The following GHR variants were observed in gnomAD, a reference collection of about 807,000 sequenced individuals.
GHR encodes GH receptor.
Under a neutral mutation model 67.1 loss-of-function variants are expected in GHR, and 35 were observed. That is an observed-to-expected ratio of 0.52 (90% confidence interval 0.40 to 0.69). GHR has a LOEUF of 0.69. Ranked by LOEUF, GHR falls within the 30% of genes least tolerant of loss-of-function variation. The pLI is 0.00. For synonymous variants in GHR, 272 were observed against 269.1 expected, an observed-to-expected ratio of 1.01 and a Z score of -0.10; for missense variants, 792 against 764.6, an observed-to-expected ratio of 1.04 and a Z score of -0.42.
At chr5:42,631,274 A>G (rs930825339) in intron 3 of GHR, among the ~76,000 whole-genome samples, 4 of 152,164 alleles carry the variant, frequency 2.6e-5, no homozygotes, top group Non-Finnish European at 5.9e-5. Flanking sequence ...CTAGCTAATT[A>G]TCATTCATAT....
In GHR at chr5:42,719,624, T is replaced by C. The variant is rs1212692779; in HGVS notation, c.*200T>C. 5.0e-6 allele frequency: 3 copies of C among 596,986 alleles called. No individual in the cohort carries two copies. Among genetic ancestry groups the C allele is most frequent in the Non-Finnish European group, 6.0e-6 (2 of 332,426 alleles). The allele number at this position is 596,986 out of a possible 1,614,324, so 37.0% of individuals were successfully genotyped here. On this transcript the variant is annotated 3_prime_UTR_variant, in exon 10 of 10. Coordinates refer to ENST00000230882, the MANE Select transcript of GHR (RefSeq NM_000163.5). ...ATGCTTAATCAGATAGATATTCCTA[T>C]TGTGCAATGTAAATATTTTAAAGAA...
At chr5:42,486,862 A>AG (rs1745908949) in intron 1 of GHR, among the ~76,000 whole-genome samples, 1 of 152,044 alleles carries the variant, frequency 6.6e-6, no homozygotes. Context: ...AAAAAAAAAA[A>AG]AGAAACCAAA....
At chr5:42,621,160 G>A (rs1753425084) in intron 2 of GHR, among the ~76,000 whole-genome samples, 2 of 152,024 alleles carry the variant, frequency 1.3e-5, no homozygotes, top group African/African-American at 4.8e-5. Context: ...TGGCTAGCTG[G>A]GCAGGATGTT....
intron 1 of GHR, among the ~76,000 whole-genome samples, chr5:42,436,350 T>G (rs1267507228): frequency 1.3e-5 from 2 of 152,230 alleles, no homozygotes; most frequent in Non-Finnish European, 2.9e-5. Context: ...CTATTCTTGG[T>G]GTCCTTTTTC....
chr5:42,564,536 C>A (rs1197339606), intron 1 of GHR, among the ~76,000 whole-genome samples: 3 of 152,092 alleles, frequency 2.0e-5, no homozygotes, highest in African/African-American at 7.2e-5. Context: ...TACAAGAAGA[C>A]AATTTAGTTT....
chr5:42,649,564 A>C (rs908589320), intron 3 of GHR, among the ~76,000 whole-genome samples: 1 of 152,198 alleles, frequency 6.6e-6, no homozygotes. Flanking sequence ...AATTAGACAT[A>C]AAGCCACATT....
chr5:42,548,226 T>C (rs1300298623), intron 1 of GHR: 1 of 985,052 alleles, frequency 1.0e-6, no homozygotes, highest in East Asian at 1.1e-4. Context: ...TATGTGTGTG[T>C]GTGCATGAGA....
chr5:42,492,264 A>C (rs1746146071), intron 1 of GHR, among the ~76,000 whole-genome samples: 1 of 152,242 alleles, frequency 6.6e-6, no homozygotes, highest in African/African-American at 2.4e-5. Flanking sequence ...AGTGGATAAT[A>C]TTGGGAAAAA....
intron 2 of GHR, among the ~76,000 whole-genome samples, chr5:42,577,920 G>A (rs542817267): frequency 6.6e-6 from 1 of 152,256 alleles, no homozygotes; most frequent in African/African-American, 2.4e-5. Flanking sequence ...GCAAGAAGTA[G>A]TTTTATATAG....
chr5:42,480,275 C>T (rs987311142), intron 1 of GHR, among the ~76,000 whole-genome samples: 1 of 152,066 alleles, frequency 6.6e-6, no homozygotes, highest in Non-Finnish European at 1.5e-5. Context: ...TTTCTGTTCT[C>T]TTACATTTGC....
intron 8 of GHR, among the ~76,000 whole-genome samples, chr5:42,717,195 G>A (rs554793732): frequency 2.6e-5 from 4 of 152,082 alleles, no homozygotes; most frequent in African/African-American, 4.8e-5. Flanking sequence ...AGCTACTTAG[G>A]AGGCTGAGGC....
chr5:42,664,485 C>A (rs1473223208), intron 3 of GHR, among the ~76,000 whole-genome samples: 3 of 152,164 alleles, frequency 2.0e-5, no homozygotes, highest in South Asian at 2.1e-4. Context: ...GAAAAACAAG[C>A]AATGGGAAAA....
intron 8 of GHR, among the ~76,000 whole-genome samples, chr5:42,715,751 T>C (rs1758689999): frequency 6.6e-6 from 1 of 152,194 alleles, no homozygotes; most frequent in Non-Finnish European, 1.5e-5. Flanking sequence ...TAGAGAATTT[T>C]CACACAAAAA....
chr5:42,682,846 C>T (rs1756955081), intron 3 of GHR, among the ~76,000 whole-genome samples: 1 of 152,182 alleles, frequency 6.6e-6, no homozygotes, highest in Non-Finnish European at 1.5e-5. Context: ...AAGTAACCCA[C>T]CAGCTGTGTC....
intron 2 of GHR, among the ~76,000 whole-genome samples, chr5:42,576,155 A>G (rs13162596): frequency 0.077 from 11,312 of 146,900 alleles, 821 homozygotes; most frequent in African/African-American, 0.15. Flanking sequence ...GTAAAGTAAA[A>G]TAAAATAAAG....
chr5:42,648,414 G>C (rs908611208), intron 3 of GHR, among the ~76,000 whole-genome samples: 2 of 152,170 alleles, frequency 1.3e-5, no homozygotes, highest in African/African-American at 4.8e-5. Flanking sequence ...GCATGTGAAC[G>C]CATGGATGTG....
intron 2 of GHR, among the ~76,000 whole-genome samples, chr5:42,596,499 A>G (rs1266340915): frequency 2.0e-5 from 3 of 152,190 alleles, no homozygotes; most frequent in African/African-American, 7.2e-5. Flanking sequence ...AGGGCAGCAC[A>G]CGAATAGTCC....
intron 6 of GHR, among the ~76,000 whole-genome samples, chr5:42,703,093 GC>G (rs1436864629): frequency 3.3e-5 from 5 of 151,830 alleles, no homozygotes; most frequent in African/African-American, 9.7e-5. Flanking sequence ...CACTTTTGTT[GC>G]CTGTTCCCAA....
At chr5:42,553,404 C>A (rs1177560733) in intron 1 of GHR, among the ~76,000 whole-genome samples, 2 of 152,184 alleles carry the variant, frequency 1.3e-5, no homozygotes, top group Non-Finnish European at 2.9e-5. Flanking sequence ...ATCTGCATTG[C>A]ATCTCATGGT....
Sources: gnomAD v4.1 joint callset for allele counts (sites outside exome capture counted in the v4.1 genomes callset) on GRCh38, gnomAD v4.1.1 for gene constraint, MANE v1.5 for transcripts, NCBI Gene and HGNC (gene_info 2026-07-23, HGNC 2026-07-21) for gene names.